The following INSR variants were observed in gnomAD, a reference collection of about 807,000 sequenced individuals.
INSR encodes insulin receptor.
In INSR, 67 loss-of-function variants were observed where a neutral mutation model predicts 142.6. The observed-to-expected ratio is 0.47, with a 90% confidence interval of 0.39 to 0.58. The LOEUF is 0.58. Among genes scored for constraint, INSR ranks in the 20% least tolerant of loss-of-function variants. The probability of loss-of-function intolerance (pLI) is 0.00; values close to 1 mark genes in which losing one functional copy is unlikely to be tolerated. For missense variants in INSR, 1,248 were observed against 1,833.2 expected, an observed-to-expected ratio of 0.68 and a Z score of 5.83; for synonymous variants, 756 against 743.1, an observed-to-expected ratio of 1.02 and a Z score of -0.28.
intron 3 of INSR, among the ~76,000 whole-genome samples, chr19:7,175,472 T>C (rs1211567343): frequency 6.6e-6 from 1 of 152,100 alleles, no homozygotes; most frequent in East Asian, 1.9e-4. Context: ...TTGGAGGATA[T>C]TGAGCGGCAT....
At chr19:7,241,186 T>G (rs963737572) in intron 2 of INSR, among the ~76,000 whole-genome samples, 3 of 151,426 alleles carry the variant, frequency 2.0e-5, no homozygotes, top group Non-Finnish European at 3.0e-5. Flanking sequence ...TGTTTTTTTT[T>G]TTTTTTTTAA....
rs141045494 is a variant in INSR at position 7,259,089 on chromosome 19, C to T, written c.652+8256G>A. On this transcript the variant is annotated intron_variant, in intron 2 of 21. Coordinates refer to ENST00000302850, the MANE Select transcript of INSR (RefSeq NM_000208.4). ...TCTCCTTCCCTCCTTCTTTCCTTCC[C>T]GCCTTCCCTCCTTCCTTCCTTCCTT... Among the ~76,000 whole-genome samples, 7 of 7,316 alleles carry T rather than the reference C, an allele frequency of 9.6e-4. No individual in the cohort carries two copies. In the South Asian group the frequency reaches 0.034, roughly 36 times the overall value. 4.8% of individuals were successfully genotyped at this position (7,316 alleles called of 152,430 possible). A position where few individuals can be genotyped will look rare whatever the true frequency, so the allele number is the denominator to read the frequency against.
chr19:7,178,348 G>C lies in INSR; in HGVS notation c.975-3617C>G, dbSNP rs1371533651. 6.6e-5 allele frequency among the ~76,000 whole-genome samples: 10 copies of C among 151,334 alleles called. No individual in the cohort carries two copies. In the South Asian group the frequency reaches 1.7e-3, roughly 25 times the overall value. ...TTTTAGGACCTCCAGGGAGATGAGG[G>C]GGCTGGAAATGGCAGTGTTGAATCA... On this transcript the variant is annotated intron_variant, in intron 3 of 21. Coordinates refer to ENST00000302850, the MANE Select transcript of INSR (RefSeq NM_000208.4).
chr19:7,126,434 G>T, intron 16 of INSR, 150 bp downstream of exon 16: 1 of 732,996 alleles, frequency 1.4e-6, no homozygotes, highest in Non-Finnish European at 2.4e-6. Flanking sequence ...TGAGGTTTCT[G>T]CAGCAAGGGC....
chr19:7,267,753 T>C lies in INSR; in HGVS notation c.244A>G (p.Ile82Val). 6.2e-7 allele frequency: 1 copy of C among 1,614,124 alleles called. No homozygotes were observed. The highest frequency in any genetic ancestry group is 1.1e-5 in the South Asian group (1 of 91,084). ...DFRDLSFPKLIMITDYLLLFR... is the reference protein window; with the variant it reads ...DFRDLSFPKLVMITDYLLLFR... ...AGCAGCAAGTAATCAGTGATCATGA[T>C]GAGTTTGGGGAAACTGAGGTCTCGG... The change falls in exon 2 of 22, where the codon ATC becomes GTC. Residue 82 changes from isoleucine to valine, a missense_variant. Ile to Val is a conservative substitution (Grantham distance 29). This residue lies in a region of INSR where 1,069 missense variants were observed against 1,654.0 expected (regional missense o/e 0.65). Transcript: ENST00000302850. The surrounding 1 kb of genome is among the most constrained non-coding windows in gnomAD (Gnocchi z 6.3).
rs1474559520 is a variant in INSR at position 7,189,748 on chromosome 19, CTG to C, written c.653-5113_653-5112del. On this transcript the variant is annotated intron_variant, in intron 2 of 21. Coordinates refer to ENST00000302850, the MANE Select transcript of INSR (RefSeq NM_000208.4). ...GTGCCATCTCCGCTCACTGTAAACTCTGTGTCCCAGGTTCAAGCAATTCTCCT... is the reference window on the plus strand; with the variant it reads ...GTGCCATCTCCGCTCACTGTAAACTCTGTCCCAGGTTCAAGCAATTCTCCT... Among the ~76,000 whole-genome samples the C allele has an allele frequency of 2.0e-5, 3 of 151,264 alleles. No individual in the cohort carries two copies. The East Asian group carries it at 5.8e-4, about 29-fold the overall frequency.
intron 2 of INSR, among the ~76,000 whole-genome samples, chr19:7,205,337 G>A (rs949769818): frequency 6.6e-6 from 1 of 152,204 alleles, no homozygotes; most frequent in Non-Finnish European, 1.5e-5. Context: ...TGAAACGCCC[G>A]GGTTGTTAAT....
chr19:7,233,215 G>A (rs186826022), intron 2 of INSR, among the ~76,000 whole-genome samples: 1,705 of 152,030 alleles, frequency 0.011, 40 homozygotes, highest in African/African-American at 0.039. Flanking sequence ...GCTGGTCTTG[G>A]ACTCCTGACC....
chr19:7,218,935 G>A (rs190414719), intron 2 of INSR, among the ~76,000 whole-genome samples: 142 of 152,270 alleles, frequency 9.3e-4, no homozygotes, highest in South Asian at 2.1e-3. Context: ...AGCAAGTGCC[G>A]AGGCTTACAG....
chr19:7,152,995 A>ACC lies in INSR; in HGVS notation c.2030-70_2030-69dup, dbSNP rs1568448905. The ACC allele has an allele frequency of 3.1e-4, 241 of 766,532 alleles. 4 individuals carry two copies. The highest frequency in any genetic ancestry group is 1.4e-3 in the South Asian group (87 of 60,652). 47.5% of individuals were successfully genotyped at this position (766,532 alleles called of 1,614,324 possible). On this transcript the variant is annotated intron_variant, in intron 9 of 21. Coordinates refer to ENST00000302850, the MANE Select transcript of INSR (RefSeq NM_000208.4). Reference sequence around the variant, plus strand: ...TGAACACACATACACACACACACACACCCCACACACACACACACCACACAC... The same window carrying ACC: ...TGAACACACATACACACACACACACACCCCCCACACACACACACACCACACAC...
intron 1 of INSR, among the ~76,000 whole-genome samples, chr19:7,274,901 G>A (rs1968020313): frequency 1.3e-5 from 2 of 151,820 alleles, no homozygotes; most frequent in African/African-American, 4.8e-5. Flanking sequence ...CCCCAAAATT[G>A]AGCCTTACCC....
chr19:7,267,277 A>G lies in INSR; in HGVS notation c.652+68T>C. The G allele has an allele frequency of 1.3e-6, 2 of 1,546,066 alleles. No homozygotes were observed. The highest frequency in any genetic ancestry group is 2.2e-5 in the East Asian group (1 of 44,540). On this transcript the variant is annotated intron_variant, in intron 2 of 21. Coordinates refer to ENST00000302850, the MANE Select transcript of INSR (RefSeq NM_000208.4). This position sits in a 1 kb window ranked among gnomAD's most constrained non-coding sequence, Gnocchi z 6.3. ...AATGACCATTTAACATTTTTAAGCC[A>G]TAAAACATTTTAAGCTTTCTAGAAC... is the stretch of plus-strand genomic sequence containing the variant.
intron 11 of INSR, among the ~76,000 whole-genome samples, chr19:7,147,418 G>A (rs963996109): frequency 1.3e-5 from 2 of 151,996 alleles, no homozygotes; most frequent in African/African-American, 2.4e-5. Context: ...CAGGTGATCC[G>A]CCTGCCTGGG....
intron 2 of INSR, among the ~76,000 whole-genome samples, chr19:7,224,030 C>T (rs577529514): frequency 4.6e-5 from 7 of 151,962 alleles, no homozygotes; most frequent in Non-Finnish European, 8.8e-5. Context: ...ACTGCAACCT[C>T]TCCCTCTTGG....
At chr19:7,236,550 C>T (rs975978152) in intron 2 of INSR, among the ~76,000 whole-genome samples, 4 of 152,148 alleles carry the variant, frequency 2.6e-5, no homozygotes, top group Non-Finnish European at 5.9e-5. Context: ...AATCTCAAAA[C>T]ATTACACCAA....
At chr19:7,118,784 G>C (rs1488288544) in intron 21 of INSR, among the ~76,000 whole-genome samples, 2 of 150,752 alleles carry the variant, frequency 1.3e-5, no homozygotes, top group Admixed American at 1.3e-4. Flanking sequence ...GCGCGGTGGT[G>C]GGTGCCTGTA....
At chr19:7,138,547 A>T (rs1224220353) in intron 13 of INSR, among the ~76,000 whole-genome samples, 2 of 149,430 alleles carry the variant, frequency 1.3e-5, no homozygotes, top group African/African-American at 2.5e-5. Context: ...TAATTTTGAA[A>T]TTTTTTTTTT....
At chr19:7,163,519 CACT>C (rs1973812689) in intron 8 of INSR, among the ~76,000 whole-genome samples, 1 of 151,584 alleles carries the variant, frequency 6.6e-6, no homozygotes, top group Non-Finnish European at 1.5e-5. Context: ...GAGATTGCGC[CACT>C]GCACTCCAGC....
intron 2 of INSR, among the ~76,000 whole-genome samples, chr19:7,236,667 T>A (rs1384793875): frequency 6.6e-6 from 1 of 152,184 alleles, no homozygotes; most frequent in Non-Finnish European, 1.5e-5. Context: ...AAATCAGGAA[T>A]GGAAAACCAA....
Sources: allele counts gnomAD v4.1 joint callset (sites outside exome capture counted in the v4.1 genomes callset), GRCh38; gene constraint gnomAD v4.1.1; regional missense constraint gnomAD v4.1.1; non-coding constraint Gnocchi (gnomAD v3.1); transcripts MANE v1.5; gene names NCBI Gene and HGNC (gene_info 2026-07-23, HGNC 2026-07-21).